Variants in PDE8B observed in about 807,000 individuals in gnomAD.
The protein encoded by PDE8B is high affinity cAMP-specific and IBMX-insensitive 3',5'-cyclic phosphodiesterase 8B.
Under a neutral mutation model 101.3 loss-of-function variants are expected in PDE8B, and 26 were observed. The ratio of observed to expected loss-of-function variants is 0.26; its 90% confidence interval spans 0.19 to 0.36. The LOEUF is 0.36. Ranked by LOEUF, PDE8B falls within the 10% of genes least tolerant of loss-of-function variation. The probability of loss-of-function intolerance (pLI) is 1.00; values close to 1 mark genes in which losing one functional copy is unlikely to be tolerated. For missense variants in PDE8B, 810 were observed against 1,163.1 expected (o/e 0.70, Z 4.42); for synonymous variants, 424 against 429.3 (o/e 0.99, Z 0.15).
At chr5:77,204,010 T>TA in the PDE8B span, among the ~76,000 whole-genome samples, 5 of 151,010 alleles carry the variant, frequency 3.3e-5, no homozygotes, top group African/African-American at 9.7e-5. Flanking sequence ...ATTGTAAATG[T>TA]TAAAAAAAAA....
At chr5:77,336,172 G>A (rs904202855) in intron 5 of PDE8B, among the ~76,000 whole-genome samples, 1 of 151,954 alleles carries the variant, frequency 6.6e-6, no homozygotes, top group African/African-American at 2.4e-5. Flanking sequence ...CATTCACTAA[G>A]TTTATTTATA....
chr5:77,146,895 G>A, the PDE8B span: 42 of 416,712 alleles, frequency 1.0e-4, no homozygotes, highest in Non-Finnish European at 3.8e-5. Context: ...TCTGTTCTGA[G>A]TATTGCCCGA....
chr5:77,210,140 G>T (rs1185605971), upstream of PDE8B, among the ~76,000 whole-genome samples: 1 of 152,190 alleles, frequency 6.6e-6, no homozygotes, highest in Non-Finnish European at 1.5e-5. The surrounding 1 kb of genome is among the most constrained non-coding windows in gnomAD (Gnocchi z 4.9). Context: ...GCTCTGGGAT[G>T]TGTGAAAATG....
chr5:77,326,245 T>G (rs923404207), intron 3 of PDE8B, among the ~76,000 whole-genome samples: 10 of 152,172 alleles, frequency 6.6e-5, no homozygotes, highest in Admixed American at 6.6e-4. Context: ...CCTGCTTGTT[T>G]ATAGAAATGC....
At chr5:77,354,854 C>A (rs190397596) in intron 10 of PDE8B, among the ~76,000 whole-genome samples, 3 of 152,340 alleles carry the variant, frequency 2.0e-5, no homozygotes, top group East Asian at 1.9e-4. Flanking sequence ...TCCTTCATGA[C>A]CCAGTGCAAG....
intron 1 of PDE8B, among the ~76,000 whole-genome samples, chr5:77,284,507 A>G (rs988115832): frequency 1.3e-5 from 2 of 152,214 alleles, no homozygotes; most frequent in African/African-American, 4.8e-5. Context: ...TTGAAGAATA[A>G]TATGCAAACA....
intron 5 of PDE8B, 91 bp from the exon 6 acceptor site, chr5:77,337,136 C>T (rs1257198528): frequency 1.3e-6 from 1 of 746,696 alleles, no homozygotes; most frequent in Non-Finnish European, 2.4e-6. Context: ...ACGGAGTTAC[C>T]TGGGGATAGG....
chr5:77,402,076 T>C (rs1330791150), intron 11 of PDE8B, among the ~76,000 whole-genome samples: 1 of 152,182 alleles, frequency 6.6e-6, no homozygotes, highest in Non-Finnish European at 1.5e-5. Flanking sequence ...ATTTTTAAGT[T>C]AGATTTAACT....
chr5:77,359,359 C>T (rs1391931157), intron 10 of PDE8B, among the ~76,000 whole-genome samples: 1 of 152,150 alleles, frequency 6.6e-6, no homozygotes, highest in Non-Finnish European at 1.5e-5. Flanking sequence ...TGGGCATGTG[C>T]ACCTACCCTG....
chr5:77,376,693 A>G (rs550356456), intron 10 of PDE8B, among the ~76,000 whole-genome samples: 1 of 152,332 alleles, frequency 6.6e-6, no homozygotes, highest in South Asian at 2.1e-4. Context: ...ACACACAGTG[A>G]TAAAACTGTT....
At chr5:77,408,859 T>C (rs1309479662) in intron 13 of PDE8B, 34 bp from the exon 14 acceptor site, 7 of 1,571,162 alleles carry the variant, frequency 4.5e-6, no homozygotes, top group Non-Finnish European at 6.1e-6. Flanking sequence ...AGAACCCTAT[T>C]ATCCTCAGAT....
intron 8 of PDE8B, 100 bp from the exon 9 acceptor site, chr5:77,350,965 G>C: frequency 1.2e-6 from 1 of 837,134 alleles, no homozygotes; most frequent in Non-Finnish European, 2.1e-6. Flanking sequence ...AATGTAACGA[G>C]AGCATGTGGG....
the PDE8B span, among the ~76,000 whole-genome samples, chr5:77,152,473 G>A: frequency 2.0e-5 from 3 of 152,140 alleles, no homozygotes; most frequent in Non-Finnish European, 4.4e-5. Flanking sequence ...GAGTGGCCAG[G>A]CAGGCATCTC....
the PDE8B span, among the ~76,000 whole-genome samples, chr5:77,099,213 C>G: frequency 6.6e-6 from 1 of 152,088 alleles, no homozygotes; most frequent in Non-Finnish European, 1.5e-5. Context: ...GTGCGCTAAG[C>G]TTGGAGTTTA....
chr5:77,124,822 C>T, the PDE8B span, among the ~76,000 whole-genome samples: 1 of 151,704 alleles, frequency 6.6e-6, no homozygotes, highest in African/African-American at 2.4e-5. Context: ...AAGTGAAGCA[C>T]AGAGAAAAGA....
At position 77,411,661 on chromosome 5, in the gene PDE8B, C is replaced by T. The variant is rs532313596; in HGVS notation, c.1531-15C>T. Reference sequence around the variant, plus strand: ...ATATAAAGCATGCTTCTAACAGGCTCTTCCTTTATTCCAGGACGGCTTGAG... The same window carrying T: ...ATATAAAGCATGCTTCTAACAGGCTTTTCCTTTATTCCAGGACGGCTTGAG... On this transcript the variant is annotated splice_polypyrimidine_tract_variant and intron_variant, in intron 14 of 21. Coordinates refer to ENST00000264917, the MANE Select transcript of PDE8B (RefSeq NM_003719.5). 1 of 1,602,446 alleles carries T rather than the reference C, an allele frequency of 6.2e-7. No individual in the cohort carries two copies. The highest frequency in any genetic ancestry group is 1.7e-4 in the Middle Eastern group (1 of 5,982).
chr5:77,113,825 CAAAG>C, the PDE8B span: 101 of 152,240 alleles, frequency 6.6e-4, no homozygotes, highest in African/African-American at 2.0e-3. Context: ...AAGAGAAAAA[CAAAG>C]AAACCCATCA....
chr5:77,392,110 T>C (rs1390806462), intron 10 of PDE8B, among the ~76,000 whole-genome samples: 3 of 152,200 alleles, frequency 2.0e-5, no homozygotes, highest in Admixed American at 6.5e-5. Flanking sequence ...AGGTTGGTCA[T>C]GTAATTGTTT....
intron 20 of PDE8B, among the ~76,000 whole-genome samples, chr5:77,423,727 C>A (rs529231224): frequency 3.6e-4 from 52 of 146,424 alleles, no homozygotes; most frequent in Middle Eastern, 3.6e-3. Flanking sequence ...GCAACCCTCA[C>A]CTCCCAGGCT....
Sources: gnomAD v4.1 joint callset for allele counts (sites outside exome capture counted in the v4.1 genomes callset) on GRCh38, gnomAD v4.1.1 for gene constraint, Gnocchi (gnomAD v3.1) non-coding constraint, MANE v1.5 for transcripts, NCBI Gene and HGNC (gene_info 2026-07-23, HGNC 2026-07-21) for gene names.